WDPCP: variants seen among roughly 807,000 people sequenced by gnomAD.
WDPCP encodes the protein WD repeat containing planar cell polarity effector.
A neutral mutation model predicts 93.1 loss-of-function variants in WDPCP; 71 were observed. The observed-to-expected ratio is 0.76, with a 90% CI of 0.63 to 0.93. WDPCP has a LOEUF of 0.93. WDPCP is among the 40% of genes least tolerant of loss of function. The pLI, the probability that WDPCP is intolerant of heterozygous loss-of-function variation, is 0.00. For synonymous variants in WDPCP, 315 were observed against 315.0 expected, an observed-to-expected ratio of 1.00 and a Z score of 0.00; for missense variants, 844 against 887.4, an observed-to-expected ratio of 0.95 and a Z score of 0.62.
intron 1 of WDPCP, among the ~76,000 whole-genome samples, chr2:63,551,457 C>T (rs1705639223): frequency 6.6e-6 from 1 of 152,096 alleles, no homozygotes; most frequent in African/African-American, 2.4e-5. Flanking sequence ...TCTGGAACCT[C>T]CCCCTCTTGC....
intron 6 of WDPCP, among the ~76,000 whole-genome samples, chr2:63,444,639 G>A (rs1232306438): frequency 6.6e-6 from 1 of 152,110 alleles, no homozygotes; most frequent in South Asian, 2.1e-4. Context: ...AAATAAAAAA[G>A]AGCAGGCAAG....
At chr2:63,718,498 A>C (rs1373387384) in intron 2 of WDPCP, among the ~76,000 whole-genome samples, 2 of 152,098 alleles carry the variant, frequency 1.3e-5, no homozygotes, top group Non-Finnish European at 2.9e-5. Context: ...CATTTCTCTG[A>C]TGATTAGTGA....
chr2:63,179,004 CA>C (rs1674027148), intron 14 of WDPCP, among the ~76,000 whole-genome samples: 1 of 152,060 alleles, frequency 6.6e-6, no homozygotes, highest in South Asian at 2.1e-4. Context: ...AAATACCATA[CA>C]ACCTGAGCAA....
At chr2:63,589,081 G>A (rs372341562), upstream of WDPCP, 1 of 1,614,118 alleles carries the variant, frequency 6.2e-7, no homozygotes, top group East Asian at 2.2e-5. Flanking sequence ...CCCACCTCTG[G>A]CCCTCGCGCC....
chr2:63,681,969 C>T (rs1668704320), intron 2 of WDPCP, among the ~76,000 whole-genome samples: 1 of 150,818 alleles, frequency 6.6e-6, no homozygotes, highest in Non-Finnish European at 1.5e-5. Flanking sequence ...GCATGAACCA[C>T]AGTGTCACTG....
At chr2:63,688,513 G>A (rs986690458) in intron 2 of WDPCP, among the ~76,000 whole-genome samples, 1 of 78,426 alleles carries the variant, frequency 1.3e-5, no homozygotes, top group Non-Finnish European at 2.5e-5. Context: ...TTATTGCGGG[G>A]TTGGGGAGAG....
rs530538904 is a variant in WDPCP at position 63,533,446 on chromosome 2, C to T, written c.76-40506G>A. 4.0e-5 allele frequency among the ~76,000 whole-genome samples: 6 copies of T among 151,706 alleles called. No individual in the cohort carries two copies. In the South Asian group the frequency reaches 1.0e-3, roughly 26 times the overall value. On this transcript the variant is annotated intron_variant, in intron 1 of 17. Transcript: ENST00000272321. ...ACATCACACTTATTCCAAAATTGACCCACATAGTTGGAAGTAAAGCACTCC... is the reference window on the plus strand; with the variant it reads ...ACATCACACTTATTCCAAAATTGACTCACATAGTTGGAAGTAAAGCACTCC...
chr2:63,140,962 A>G (rs1269265286), intron 17 of WDPCP, among the ~76,000 whole-genome samples: 1 of 152,008 alleles, frequency 6.6e-6, no homozygotes, highest in Non-Finnish European at 1.5e-5. Flanking sequence ...TCATAGATGG[A>G]GTTTATTACA....
At chr2:63,492,230 T>TA (rs1310605026) in intron 2 of WDPCP, among the ~76,000 whole-genome samples, 3 of 152,136 alleles carry the variant, frequency 2.0e-5, no homozygotes, top group Admixed American at 6.5e-5. Flanking sequence ...AAAGATTTTT[T>TA]AAAGATATTT....
intron 14 of WDPCP, among the ~76,000 whole-genome samples, chr2:63,258,789 A>C (rs1681354518): frequency 6.6e-6 from 1 of 152,180 alleles, no homozygotes; most frequent in Admixed American, 6.6e-5. Context: ...ATAAAATTTA[A>C]ATGGACTTTC....
At chr2:63,346,717 A>G (rs891435324) in intron 12 of WDPCP, among the ~76,000 whole-genome samples, 14 of 152,164 alleles carry the variant, frequency 9.2e-5, no homozygotes, top group Non-Finnish European at 1.9e-4. Context: ...TCCACAAAGC[A>G]CCTGCCTCTC....
intron 9 of WDPCP, among the ~76,000 whole-genome samples, chr2:63,410,125 G>C (rs4671504): frequency 0.4 from 60,657 of 152,008 alleles, 12,423 homozygotes; most frequent in Non-Finnish European, 0.43. Context: ...ACAGAAGCAC[G>C]TGGTAACCTA....
At chr2:63,158,141 G>C (rs1387563390) in intron 15 of WDPCP, among the ~76,000 whole-genome samples, 3 of 151,728 alleles carry the variant, frequency 2.0e-5, no homozygotes, top group African/African-American at 7.3e-5. Context: ...ATTTCTTTCT[G>C]TTATTTATTT....
chr2:63,712,910 T>C (rs907440438), intron 2 of WDPCP, among the ~76,000 whole-genome samples: 4 of 152,208 alleles, frequency 2.6e-5, no homozygotes, highest in Admixed American at 6.5e-5. Context: ...GGCAGCATAA[T>C]GTCAGGGATC....
intron 1 of WDPCP, among the ~76,000 whole-genome samples, chr2:63,543,533 C>T (rs1363657539): frequency 1.3e-5 from 2 of 151,852 alleles, no homozygotes; most frequent in African/African-American, 4.8e-5. Context: ...AAAACCTCTC[C>T]AAATTAAGAC....
intron 14 of WDPCP, among the ~76,000 whole-genome samples, chr2:63,177,472 G>A (rs1673899187): frequency 2.0e-5 from 3 of 152,080 alleles, no homozygotes; most frequent in African/African-American, 7.2e-5. Flanking sequence ...TTATTCCAAA[G>A]TATTTTATTC....
At chr2:63,207,735 C>T (rs534594923) in intron 14 of WDPCP, among the ~76,000 whole-genome samples, 2 of 152,242 alleles carry the variant, frequency 1.3e-5, no homozygotes, top group African/African-American at 4.8e-5. Flanking sequence ...GTTTCCAGGT[C>T]ATGATGTGCT....
chr2:63,594,201 C>T, intron 3 of WDPCP: 1 of 534,140 alleles, frequency 1.9e-6, no homozygotes, highest in South Asian at 1.4e-5. Flanking sequence ...ACATACTGAA[C>T]ACATCAACAT....
At position 63,605,257 on chromosome 2, in the gene WDPCP, G is replaced by T. The variant is rs762395535; in HGVS notation, n.488+45402C>A. On this transcript the variant is annotated intron_variant and non_coding_transcript_variant, in intron 3 of 4. Coordinates refer to the WDPCP transcript ENST00000467687. ...GCTATCATGACCAAGTAATACTGCT[G>T]CCTTCACCTGCCCCCTTCCCAGACT... The T allele has an allele frequency of 3.1e-5, 47 of 1,504,410 alleles. No individual in the cohort carries two copies. In the East Asian group the frequency reaches 1.1e-3, roughly 34 times the overall value. The allele number at this position is 1,504,410 out of a possible 1,614,324, so 93.2% of individuals were successfully genotyped here. A position where few individuals can be genotyped will look rare whatever the true frequency, so the allele number is the denominator to read the frequency against.
Sources: gnomAD v4.1 joint callset for allele counts (sites outside exome capture counted in the v4.1 genomes callset) on GRCh38, gnomAD v4.1.1 for gene constraint, MANE v1.5 for transcripts, NCBI Gene and HGNC (gene_info 2026-07-23, HGNC 2026-07-21) for gene names.